The following SORCS2 variants were observed in gnomAD, a reference collection of about 807,000 sequenced individuals.
The protein encoded by SORCS2 is sortilin related VPS10 domain containing receptor 2.
SORCS2 carries 100 observed loss-of-function variants against 141.6 expected under a neutral mutation model. The ratio of observed to expected loss-of-function variants is 0.71; its 90% CI spans 0.60 to 0.83. SORCS2 has a LOEUF of 0.83. Among genes scored for constraint, SORCS2 ranks in the 40% least tolerant of loss-of-function variants. The pLI is 0.00. For synonymous variants in SORCS2, 789 were observed against 676.9 expected, an observed-to-expected ratio of 1.17 and a Z score of -2.57; for missense variants, 1,646 against 1,560.2, an observed-to-expected ratio of 1.05 and a Z score of -0.93.
At chr4:7,571,617 C>T (rs769356328) in intron 3 of SORCS2, among the ~76,000 whole-genome samples, 1 of 151,968 alleles carries the variant, frequency 6.6e-6, no homozygotes, top group Non-Finnish European at 1.5e-5. Context: ...GTGGTCTGCC[C>T]ATTCCCTGAG....
At chr4:7,722,256 C>T (rs1726642190) in intron 18 of SORCS2, among the ~76,000 whole-genome samples, 2 of 152,166 alleles carry the variant, frequency 1.3e-5, no homozygotes, top group African/African-American at 4.8e-5. Context: ...TCCGTGGAAG[C>T]AGCTCAGACT....
At chr4:7,589,506 G>A (rs536830564) in intron 3 of SORCS2, among the ~76,000 whole-genome samples, 2 of 152,238 alleles carry the variant, frequency 1.3e-5, no homozygotes, top group East Asian at 1.9e-4. Flanking sequence ...GGGTTCAAGC[G>A]ATTCTTCTGC....
chr4:7,312,470 G>T (rs1336245216), intron 1 of SORCS2, among the ~76,000 whole-genome samples: 1 of 148,670 alleles, frequency 6.7e-6, no homozygotes, highest in Non-Finnish European at 1.5e-5. Flanking sequence ...CCCCCTTTCT[G>T]TTCTGTTTCT....
chr4:7,431,922 A>G (rs1019295166), intron 2 of SORCS2: 1 of 152,196 alleles, frequency 6.6e-6, no homozygotes, highest in African/African-American at 2.4e-5. Context: ...GAATTAATCC[A>G]TGGGCCTCAG....
At chr4:7,485,476 GC>G (rs947855767) in intron 2 of SORCS2, among the ~76,000 whole-genome samples, 7 of 152,344 alleles carry the variant, frequency 4.6e-5, no homozygotes, top group African/African-American at 1.7e-4. Context: ...GAGCCCCAGG[GC>G]CCCCTGCCGG....
chr4:7,264,025 G>A (rs994911126), intron 1 of SORCS2, among the ~76,000 whole-genome samples: 1 of 152,292 alleles, frequency 6.6e-6, no homozygotes, highest in South Asian at 2.1e-4. Context: ...GCCAGGCCGA[G>A]TGCCAGGTCC....
chr4:7,331,390 A>G (rs1390204186), intron 1 of SORCS2, among the ~76,000 whole-genome samples: 1 of 151,970 alleles, frequency 6.6e-6, no homozygotes, highest in African/African-American at 2.4e-5. Flanking sequence ...TGGGTGATCG[A>G]CCCTTGCTGC....
At chr4:7,718,348 T>G (rs1726342813) in intron 18 of SORCS2, among the ~76,000 whole-genome samples, 165 bp downstream of exon 18, 1 of 151,976 alleles carries the variant, frequency 6.6e-6, no homozygotes, top group South Asian at 2.1e-4. Flanking sequence ...GGGCTGGAAA[T>G]CCGCTTCCCG....
rs567326800 is a variant in SORCS2, at chr4:7,233,228, G to A, written c.480+40102G>A. On this transcript the variant is annotated intron_variant, in intron 1 of 26. Coordinates refer to ENST00000507866, the MANE Select transcript of SORCS2 (RefSeq NM_020777.3). The surrounding 1 kb of genome is among the most constrained non-coding windows in gnomAD (Gnocchi z 4.5). ...GGAGCCTTCCAGAGCAGGGGGAGGC[G>A]TCGGCCAGCCCTGAGAACTAGGAAG... Among the ~76,000 whole-genome samples the A allele has an allele frequency of 7.2e-5, 11 of 152,298 alleles. No individual in the cohort carries two copies. Among genetic ancestry groups the A allele is most frequent in the South Asian group, 6.2e-4 (3 of 4,822 alleles).
chr4:7,492,471 C>G (rs1731374993), intron 2 of SORCS2, among the ~76,000 whole-genome samples: 1 of 152,226 alleles, frequency 6.6e-6, no homozygotes, highest in African/African-American at 2.4e-5. Context: ...CTTCATGCAT[C>G]ATCTGTTGGT....
chr4:7,726,504 G>A (rs1727227478), intron 20 of SORCS2, among the ~76,000 whole-genome samples: 1 of 152,152 alleles, frequency 6.6e-6, no homozygotes, highest in African/African-American at 2.4e-5. Context: ...AACCCAGGAG[G>A]CAGAGGTTGC....
intron 2 of SORCS2, among the ~76,000 whole-genome samples, chr4:7,510,922 G>A (rs544656474): frequency 6.6e-6 from 1 of 152,346 alleles, no homozygotes; most frequent in Admixed American, 6.5e-5. Flanking sequence ...CTGTCCCGTA[G>A]TGGGCAGCGC....
chr4:7,365,383 C>A (rs185741524), intron 1 of SORCS2, among the ~76,000 whole-genome samples: 1 of 152,058 alleles, frequency 6.6e-6, no homozygotes, highest in East Asian at 1.9e-4. Flanking sequence ...GCGAGGAGGA[C>A]CCCTAGGATT....
intron 2 of SORCS2, among the ~76,000 whole-genome samples, chr4:7,470,239 A>G (rs546391475): frequency 6.7e-6 from 1 of 149,430 alleles, no homozygotes; most frequent in South Asian, 2.1e-4. Flanking sequence ...CCATCCACCC[A>G]TCCATCCTCC....
At chr4:7,606,114 T>G (rs1400372234) in intron 3 of SORCS2, among the ~76,000 whole-genome samples, 3 of 152,172 alleles carry the variant, frequency 2.0e-5, no homozygotes, top group Non-Finnish European at 4.4e-5. Flanking sequence ...TCTGCTCCCA[T>G]GAACCACCCC....
chr4:7,480,751 C>T (rs1029057256), intron 2 of SORCS2, among the ~76,000 whole-genome samples: 1 of 152,244 alleles, frequency 6.6e-6, no homozygotes, highest in African/African-American at 2.4e-5. Context: ...GACGCATCCC[C>T]TCCACCCGCC....
intron 1 of SORCS2, among the ~76,000 whole-genome samples, chr4:7,302,277 A>G (rs1302536843): frequency 1.3e-5 from 2 of 152,212 alleles, no homozygotes; most frequent in African/African-American, 4.8e-5. Flanking sequence ...GCCTGCCCGC[A>G]AGTAGCTTGC....
intron 3 of SORCS2, among the ~76,000 whole-genome samples, chr4:7,600,242 G>C (rs1687483745): frequency 6.6e-6 from 1 of 152,166 alleles, no homozygotes; most frequent in Non-Finnish European, 1.5e-5. Context: ...ACAAGCTTAG[G>C]GGCTTGAAAC....
At chr4:7,264,263 A>T (rs140467965) in intron 1 of SORCS2, among the ~76,000 whole-genome samples, 12 of 152,356 alleles carry the variant, frequency 7.9e-5, no homozygotes, top group African/African-American at 2.9e-4. Flanking sequence ...AGAAGAGAAC[A>T]GACCTGGCTC....
Sources: gnomAD v4.1 joint callset for allele counts (sites outside exome capture counted in the v4.1 genomes callset) on GRCh38, gnomAD v4.1.1 for gene constraint, Gnocchi (gnomAD v3.1) non-coding constraint, MANE v1.5 for transcripts, NCBI Gene and HGNC (gene_info 2026-07-23, HGNC 2026-07-21) for gene names.